GFRA2: variants seen among roughly 807,000 people sequenced by gnomAD.
GFRA2 encodes the protein GDNF family receptor alpha 2, also known as GDNF family receptor alpha-2.
Under a neutral mutation model 48.3 loss-of-function variants are expected in GFRA2, and 17 were observed. That is an observed-to-expected ratio of 0.35 (90% confidence interval 0.24 to 0.53). GFRA2 has a LOEUF of 0.53. GFRA2 is among the 20% of genes least tolerant of loss of function. The probability of loss-of-function intolerance (pLI) is 0.93; values close to 1 mark genes in which losing one functional copy is unlikely to be tolerated. For missense variants in GFRA2, 660 were observed against 637.3 expected, an observed-to-expected ratio of 1.04 and a Z score of -0.38; for synonymous variants, 305 against 257.2, an observed-to-expected ratio of 1.19 and a Z score of -1.78.
At chr8:21,716,767 G>A (rs1342321128) in intron 4 of GFRA2, among the ~76,000 whole-genome samples, 1 of 152,156 alleles carries the variant, frequency 6.6e-6, no homozygotes, top group East Asian at 1.9e-4. Context: ...AAAAAACACA[G>A]CCATGCATGG....
intron 4 of GFRA2, among the ~76,000 whole-genome samples, chr8:21,735,836 A>T (rs890202299): frequency 3.0e-4 from 32 of 105,382 alleles, no homozygotes; most frequent in Admixed American, 4.5e-4. Flanking sequence ...CCAGATAATT[A>T]AAAAAAAAAA....
At chr8:21,773,319 C>T (rs1256167242) in intron 3 of GFRA2, among the ~76,000 whole-genome samples, 1 of 152,180 alleles carries the variant, frequency 6.6e-6, no homozygotes, top group Non-Finnish European at 1.5e-5. Flanking sequence ...GCGCAAGGTG[C>T]TCAACACAGC....
In GFRA2 at chr8:21,694,476, C is replaced by T; in HGVS notation, c.1260G>A (p.Met420Ile). 1 of 1,612,434 alleles carries T rather than the reference C, an allele frequency of 6.2e-7. No homozygotes were observed. Among genetic ancestry groups the T allele is most frequent in the Non-Finnish European group, 8.5e-7 (1 of 1,179,550 alleles). ...LKANNSKELS[M>I]CFTELTTNII... Reference sequence around the variant, plus strand: ...GCCCCCAACTCACCTCTGTGAAGCACATGCTTAACTCTTTGGAGTTGTTGG... The same window carrying T: ...GCCCCCAACTCACCTCTGTGAAGCATATGCTTAACTCTTTGGAGTTGTTGG... Residue 420 changes from methionine to isoleucine, a missense_variant, in exon 8 of 9, where the codon ATG becomes ATA. Transcript: ENST00000524240.
chr8:21,767,471 G>A (rs1373863498), intron 3 of GFRA2, among the ~76,000 whole-genome samples: 1 of 152,258 alleles, frequency 6.6e-6, no homozygotes, highest in African/African-American at 2.4e-5. Context: ...TGCAGGCATG[G>A]GTGGGAGGGG....
chr8:21,716,366 G>A (rs536805630), intron 4 of GFRA2, among the ~76,000 whole-genome samples: 1 of 151,344 alleles, frequency 6.6e-6, no homozygotes, highest in Non-Finnish European at 1.5e-5. Context: ...CTCTAATTCT[G>A]CATGACCTCC....
Position 21,742,994 on chromosome 8 carries a change from T to G in GFRA2, c.794+7594A>C, listed in dbSNP as rs556384576. ...CCTATCTTGTAAACTAGAGCTCTGA[T>G]TTGGAGCTTCTCTCTGTGTTTATTT... is the stretch of plus-strand genomic sequence containing the variant. On this transcript the variant is annotated intron_variant, in intron 4 of 8. Coordinates refer to ENST00000524240, the MANE Select transcript of GFRA2 (RefSeq NM_001495.5). Among the ~76,000 whole-genome samples, 300 of 152,324 alleles carry G rather than the reference T, an allele frequency of 2.0e-3. 2 individuals are homozygous for G. Among genetic ancestry groups the G allele is most frequent in the Middle Eastern group, 6.8e-3 (2 of 294 alleles).
At chr8:21,801,267 G>A (rs952141865) in intron 2 of GFRA2, among the ~76,000 whole-genome samples, 5 of 152,086 alleles carry the variant, frequency 3.3e-5, no homozygotes, top group African/African-American at 1.2e-4. Flanking sequence ...CTCAATGAGA[G>A]TCACCCCTCA....
chr8:21,759,888 C>CAAAAA (rs35385607), intron 3 of GFRA2, among the ~76,000 whole-genome samples: 1 of 105,144 alleles, frequency 9.5e-6, no homozygotes. Context: ...GATTGCGTCT[C>CAAAAA]AAAAAAAAAA....
intron 7 of GFRA2, among the ~76,000 whole-genome samples, chr8:21,701,830 G>A (rs1802495310): frequency 1.3e-5 from 2 of 152,128 alleles, no homozygotes; most frequent in Non-Finnish European, 2.9e-5. Context: ...GAATTAAATG[G>A]GCCTCAGAAT....
intron 3 of GFRA2, among the ~76,000 whole-genome samples, chr8:21,752,336 C>A (rs1805333923): frequency 6.6e-6 from 1 of 152,100 alleles, no homozygotes; most frequent in South Asian, 2.1e-4. Flanking sequence ...TGGTGTTTGG[C>A]CCCACCTGTC....
intron 8 of GFRA2, among the ~76,000 whole-genome samples, chr8:21,694,205 G>A (rs1802043322): frequency 6.6e-6 from 1 of 151,356 alleles, no homozygotes. Flanking sequence ...TGTCTTAAGA[G>A]AGTAAGGAAG....
In GFRA2 at chr8:21,782,898, G is replaced by T. The variant is rs1022345858; in HGVS notation, c.42C>A (p.Asp14Glu). ...GGCTGGCCAAAGAGCGGAGGGTCTC[G>T]TCTGGGTGGTGGGGAGGGAAGACAA... Reference protein sequence around the residue: ...ANVFCLFFFLDETLRSLASPS... With the variant: ...ANVFCLFFFLEETLRSLASPS... Residue 14 changes from aspartate (D) to glutamate (E), a missense_variant and splice_region_variant, in exon 2 of 9, where the codon GAC (aspartate) becomes GAA (glutamate). Transcript: ENST00000524240. The T allele has an allele frequency of 1.9e-6, 3 of 1,550,660 alleles. No individual in the cohort carries two copies. Among genetic ancestry groups the T allele is most frequent in the African/African-American group, 1.4e-5 (1 of 73,748 alleles).
intron 4 of GFRA2, among the ~76,000 whole-genome samples, chr8:21,725,394 G>A (rs560078661): frequency 6.6e-6 from 1 of 152,248 alleles, no homozygotes; most frequent in Non-Finnish European, 1.5e-5. Context: ...CAGAAGCCCA[G>A]TGAATGCCCA....
At chr8:21,807,089 A>C (rs887477619) in intron 1 of GFRA2, among the ~76,000 whole-genome samples, 9 of 152,200 alleles carry the variant, frequency 5.9e-5, no homozygotes, top group African/African-American at 1.9e-4. Context: ...TTTCTGTACA[A>C]ATCTGTATTG....
chr8:21,727,870 C>T (rs935408554), intron 4 of GFRA2, among the ~76,000 whole-genome samples: 16 of 152,176 alleles, frequency 1.1e-4, no homozygotes, highest in African/African-American at 3.6e-4. Flanking sequence ...GGGTTATTTT[C>T]GTAGTAAAAA....
chr8:21,785,590 C>T (rs2117083648), intron 1 of GFRA2, among the ~76,000 whole-genome samples: 1 of 152,328 alleles, frequency 6.6e-6, no homozygotes, highest in East Asian at 1.9e-4. Flanking sequence ...GGAGAAGCGA[C>T]ACAGGGCTAC....
At position 21,782,895 on chromosome 8, in the gene GFRA2, C is replaced by G. The variant is rs61738716; in HGVS notation, c.45G>C (p.Glu15Asp). The change falls in exon 2 of 9, where the codon GAG becomes GAC. Residue 15 changes from glutamate (E) to aspartate (D), a missense_variant. Coordinates refer to ENST00000524240, the MANE Select transcript of GFRA2 (RefSeq NM_001495.5). ...AAGGGCTGGCCAAAGAGCGGAGGGT[C>G]TCGTCTGGGTGGTGGGGAGGGAAGA... ...NVFCLFFFLD[E>D]TLRSLASPSS... is the part of the protein sequence containing the mutation. The G allele has an allele frequency of 7.2e-3, 11,153 of 1,552,838 alleles. 642 individuals carry two copies. In the African/African-American group the frequency reaches 0.13, roughly 18 times the overall value.
intron 3 of GFRA2, among the ~76,000 whole-genome samples, chr8:21,754,523 T>C (rs899885038): frequency 6.6e-6 from 1 of 151,164 alleles, no homozygotes; most frequent in Non-Finnish European, 1.5e-5. Flanking sequence ...TTTTTTTTTT[T>C]TTGAGTCAGA....
chr8:21,769,084 C>A (rs986067194), intron 3 of GFRA2: 79 of 701,580 alleles, frequency 1.1e-4, no homozygotes, highest in Non-Finnish European at 1.3e-4. Flanking sequence ...CTACTGAAAA[C>A]AAGCCACTTA....
Sources: gnomAD v4.1 joint callset for allele counts (sites outside exome capture counted in the v4.1 genomes callset) on GRCh38, gnomAD v4.1.1 for gene constraint, MANE v1.5 for transcripts, NCBI Gene and HGNC (gene_info 2026-07-23, HGNC 2026-07-21) for gene names.